The following SLC24A2 variants were observed in gnomAD, a reference collection of about 807,000 sequenced individuals.
SLC24A2 encodes the protein solute carrier family 24 member 2, also known as sodium/potassium/calcium exchanger 2.
SLC24A2 carries 36 observed loss-of-function variants against 62.0 expected under a neutral mutation model. The observed-to-expected ratio is 0.58, with a 90% CI of 0.44 to 0.77. The LOEUF is 0.77. SLC24A2 is among the 30% of genes least tolerant of loss of function. The pLI, the probability that SLC24A2 is intolerant of heterozygous loss-of-function variation, is 0.00. For synonymous variants in SLC24A2, 358 were observed against 294.0 expected (o/e 1.22, Z -2.23); for missense variants, 846 against 817.9 (o/e 1.03, Z -0.42).
At chr9:19,777,165 G>A (rs904506943) in intron 2 of SLC24A2, among the ~76,000 whole-genome samples, 2 of 152,196 alleles carry the variant, frequency 1.3e-5, no homozygotes, top group African/African-American at 4.8e-5. Flanking sequence ...CTTTGTGTGA[G>A]TCATCACAGC....
In SLC24A2 at chr9:19,749,085, T is replaced by C. The variant is rs1041986325; in HGVS notation, c.930+36852A>G. ...GTTCTCATGAATCAGCAAAATTGCT[T>C]TGGGCATTCTAGATACCGACCCAAG... is the stretch of plus-strand genomic sequence containing the variant. On this transcript the variant is annotated intron_variant, in intron 2 of 10. Coordinates refer to ENST00000341998, the MANE Select transcript of SLC24A2 (RefSeq NM_020344.4). Among the ~76,000 whole-genome samples the C allele has an allele frequency of 2.7e-5, 4 of 147,866 alleles. No homozygotes were observed. In the South Asian group the frequency reaches 6.8e-4, roughly 25 times the overall value.
At chr9:19,685,372 A>C (rs1819850278) in intron 2 of SLC24A2, among the ~76,000 whole-genome samples, 1 of 152,146 alleles carries the variant, frequency 6.6e-6, no homozygotes, top group African/African-American at 2.4e-5. Flanking sequence ...TTCTTATCAA[A>C]TTACCAATGA....
chr9:20,239,823 T>A, the SLC24A2 span, among the ~76,000 whole-genome samples: 3 of 151,812 alleles, frequency 2.0e-5, no homozygotes, highest in Non-Finnish European at 4.4e-5. Context: ...CTGCTTCTAT[T>A]GTCAAAGAAA....
chr9:20,307,267 G>A, the SLC24A2 span, among the ~76,000 whole-genome samples: 698 of 152,258 alleles, frequency 4.6e-3, 3 homozygotes, highest in African/African-American at 0.016. Context: ...AAAGGGGATT[G>A]GGACATGTAA....
At chr9:20,125,371 T>G in the SLC24A2 span, among the ~76,000 whole-genome samples, 3 of 152,166 alleles carry the variant, frequency 2.0e-5, no homozygotes, top group Non-Finnish European at 4.4e-5. Flanking sequence ...AAACTAGAAT[T>G]TGAACCTTTA....
At chr9:20,214,879 T>C in the SLC24A2 span, among the ~76,000 whole-genome samples, 5 of 152,158 alleles carry the variant, frequency 3.3e-5, no homozygotes, top group African/African-American at 9.7e-5. Context: ...GGAGTAACCA[T>C]AGTATAATAT....
rs183182459 is a variant in SLC24A2, at chr9:19,592,196, T to C, written c.1129+5033A>G. 2.9e-3 allele frequency among the ~76,000 whole-genome samples: 446 copies of C among 152,332 alleles called. 4 individuals are homozygous for C. The highest frequency in any genetic ancestry group is 0.01 in the African/African-American group (432 of 41,572). On this transcript the variant is annotated intron_variant, in intron 5 of 10. Coordinates refer to ENST00000341998, the MANE Select transcript of SLC24A2 (RefSeq NM_020344.4). ...ACCCCATGATTCATGTAAGACATTA[T>C]TAGTTTTTCAGCTTGGTAAAGGGGC... is the stretch of plus-strand genomic sequence containing the variant.
At chr9:19,658,710 G>A (rs928508083) in intron 2 of SLC24A2, among the ~76,000 whole-genome samples, 2 of 152,154 alleles carry the variant, frequency 1.3e-5, no homozygotes, top group African/African-American at 4.8e-5. Context: ...CTTCCTATTG[G>A]ACTCAATCAA....
At chr9:19,995,968 A>T in the SLC24A2 span, among the ~76,000 whole-genome samples, 3 of 152,240 alleles carry the variant, frequency 2.0e-5, no homozygotes, top group African/African-American at 7.2e-5. Context: ...CTTTGGGTAA[A>T]GTAAAGGGAA....
At chr9:20,074,604 A>AGG in the SLC24A2 span, among the ~76,000 whole-genome samples, 7,235 of 42,400 alleles carry the variant, frequency 0.17, 635 homozygotes, top group East Asian at 0.29. Flanking sequence ...GAAGGAAGGA[A>AGG]AGAAGGGAGT....
At chr9:20,019,767 C>A in the SLC24A2 span, among the ~76,000 whole-genome samples, 1 of 151,880 alleles carries the variant, frequency 6.6e-6, no homozygotes, top group Non-Finnish European at 1.5e-5. Flanking sequence ...AAGAAACTAT[C>A]ATCAGAGTGA....
chr9:19,552,183 G>C (rs1291924492), intron 7 of SLC24A2, among the ~76,000 whole-genome samples: 1 of 152,068 alleles, frequency 6.6e-6, no homozygotes, highest in Non-Finnish European at 1.5e-5. Flanking sequence ...CCCATCTTTG[G>C]TGGAAGCTTG....
At chr9:20,160,590 T>C in the SLC24A2 span, among the ~76,000 whole-genome samples, 1 of 151,386 alleles carries the variant, frequency 6.6e-6, no homozygotes, top group Admixed American at 6.6e-5. Context: ...TGGTTAATTT[T>C]TTAACTATCA....
the SLC24A2 span, among the ~76,000 whole-genome samples, chr9:19,831,304 C>T: frequency 1.3e-5 from 2 of 152,294 alleles, no homozygotes; most frequent in African/African-American, 4.8e-5. Context: ...AGTGCCCATT[C>T]AAGACCTTCT....
Position 19,637,441 on chromosome 9 carries a change from CT to C in SLC24A2, c.931-15143del, listed in dbSNP as rs555377139. Among the ~76,000 whole-genome samples the C allele has an allele frequency of 1.2e-3, 188 of 152,280 alleles. 6 individuals are homozygous for C. Among genetic ancestry groups the C allele is most frequent in the Admixed American group, 0.012 (180 of 15,306 alleles). On this transcript the variant is annotated intron_variant, in intron 2 of 10. Transcript: ENST00000341998. ...GTTCTAACTATTGCCCCTCTGTAGG[CT>C]TTGGTAGTCTTGAGGGTGGTTTACA...
intron 2 of SLC24A2, among the ~76,000 whole-genome samples, chr9:19,736,406 A>T (rs1478222041): frequency 1.3e-5 from 2 of 152,220 alleles, no homozygotes; most frequent in Non-Finnish European, 2.9e-5. Context: ...CCTGCAGCTT[A>T]CAAGAGATAC....
intron 7 of SLC24A2, among the ~76,000 whole-genome samples, chr9:19,559,259 A>G (rs1451795189): frequency 6.6e-6 from 1 of 152,198 alleles, no homozygotes; most frequent in Non-Finnish European, 1.5e-5. Flanking sequence ...ATTTGATTTG[A>G]AGGTGGAAAA....
At chr9:20,238,056 A>G in the SLC24A2 span, among the ~76,000 whole-genome samples, 1 of 152,292 alleles carries the variant, frequency 6.6e-6, no homozygotes, top group East Asian at 1.9e-4. Context: ...CAGAAGACGT[A>G]AGGACCCTTG....
the SLC24A2 span, among the ~76,000 whole-genome samples, chr9:19,960,973 C>G: frequency 1.3e-3 from 195 of 150,986 alleles, no homozygotes; most frequent in African/African-American, 4.6e-3. Context: ...ATGCCCTAGA[C>G]TAGGTGACAA....
Sources: gnomAD v4.1 joint callset for allele counts (sites outside exome capture counted in the v4.1 genomes callset) on GRCh38, gnomAD v4.1.1 for gene constraint, MANE v1.5 for transcripts, NCBI Gene and HGNC (gene_info 2026-07-23, HGNC 2026-07-21) for gene names.